The following FBP2 variants were observed in gnomAD, a reference collection of about 807,000 sequenced individuals.
The protein encoded by FBP2 is fructose-bisphosphatase 2.
FBP2 carries 27 observed loss-of-function variants against 31.6 expected under a neutral mutation model. That is an observed-to-expected ratio of 0.85 (90% CI 0.63 to 1.18). FBP2 has a LOEUF of 1.18. Ranked by LOEUF, FBP2 falls within the 50% of genes most tolerant of loss-of-function variation. FBP2 has a pLI of 0.00. For missense variants in FBP2, 421 were observed against 436.1 expected, an observed-to-expected ratio of 0.97 and a Z score of 0.31; for synonymous variants, 168 against 179.8, an observed-to-expected ratio of 0.93 and a Z score of 0.53.
intron 3 of FBP2, among the ~76,000 whole-genome samples, chr9:94,579,540 T>C (rs1021473863): frequency 1.3e-5 from 2 of 152,196 alleles, no homozygotes; most frequent in Non-Finnish European, 2.9e-5. Context: ...TTAAAGTTTG[T>C]GGAGAATTTA....
At chr9:94,560,051 G>A (rs962323904) in intron 6 of FBP2, among the ~76,000 whole-genome samples, 5 of 152,284 alleles carry the variant, frequency 3.3e-5, no homozygotes, top group South Asian at 4.1e-4. Context: ...ACTGAGCCCC[G>A]GAGTTCAAGG....
intron 6 of FBP2, among the ~76,000 whole-genome samples, chr9:94,561,170 A>G (rs1827093357): frequency 6.6e-6 from 1 of 152,096 alleles, no homozygotes; most frequent in South Asian, 2.1e-4. Flanking sequence ...ATTGTAATCA[A>G]TTATCCTGTT....
rs1827141023 is a variant in FBP2 at position 94,563,523 on chromosome 9, C to G, written c.706-62G>C. Reference sequence around the variant, plus strand: ...CTTTCAGGATTAGCCAGCACCTGCTCGTGGTCACAAGTCCAGTTGGTGTGA... The same window carrying G: ...CTTTCAGGATTAGCCAGCACCTGCTGGTGGTCACAAGTCCAGTTGGTGTGA... On this transcript the variant is annotated intron_variant, in intron 5 of 6. Transcript: ENST00000375337. 33 of 1,575,154 alleles carry G rather than the reference C, an allele frequency of 2.1e-5. No individual in the cohort carries two copies. The South Asian group carries it at 3.8e-4, about 18-fold the overall frequency.
Position 94,584,612 on chromosome 9 carries a change from C to G in FBP2, c.391G>C (p.Ala131Pro). ...LDGSSNIDCL[A>P]SIGTIFAIYR... is the part of the protein sequence containing the mutation. ...ATGGCAAAGATGGTTCCGATGGAGG[C>G]CAGGCAGTCAATATTGGAAGATCCA... The change falls in exon 3 of 7, where the codon GCC becomes CCC. Residue 131 changes from alanine (A) to proline (P), a missense_variant. Transcript: ENST00000375337. 6.2e-7 allele frequency: 1 copy of G among 1,613,606 alleles called. No individual in the cohort carries two copies. Among genetic ancestry groups the G allele is most frequent in the Non-Finnish European group, 8.5e-7 (1 of 1,179,578 alleles).
chr9:94,558,915 G>A lies in FBP2; in HGVS notation c.*23C>T. 1 of 1,611,346 alleles carries A rather than the reference G, an allele frequency of 6.2e-7. No individual in the cohort carries two copies. The highest frequency in any genetic ancestry group is 8.5e-7 in the Non-Finnish European group (1 of 1,177,630). On this transcript the variant is annotated 3_prime_UTR_variant, in exon 7 of 7. Coordinates refer to ENST00000375337, the MANE Select transcript of FBP2 (RefSeq NM_003837.4). ...TAGACAAGGTGCAAGACAAACAGAA[G>A]AGGGCATGTGGGGTCAAACTCGCTA...
At chr9:94,567,927 G>C (rs1417693197) in intron 4 of FBP2, 2 of 152,678 alleles carry the variant, frequency 1.3e-5, no homozygotes, top group Non-Finnish European at 2.9e-5. Flanking sequence ...AGGAGATCGA[G>C]ACCATCCTGG....
At chr9:94,587,555 C>T in intron 1 of FBP2, 86 bp from the exon 2 acceptor site, 2 of 1,168,766 alleles carry the variant, frequency 1.7e-6, no homozygotes, top group Non-Finnish European at 2.5e-6. Context: ...GCCAGCAGTG[C>T]AGTCCCCTCT....
At chr9:94,571,801 T>C (rs559595821) in intron 3 of FBP2, among the ~76,000 whole-genome samples, 199 bp from the exon 4 acceptor site, 2 of 152,368 alleles carry the variant, frequency 1.3e-5, no homozygotes, top group East Asian at 3.9e-4. Context: ...AAGGCCATTC[T>C]TGGACTTCTT....
chr9:94,574,670 T>C (rs1827299652), intron 3 of FBP2, among the ~76,000 whole-genome samples: 1 of 152,192 alleles, frequency 6.6e-6, no homozygotes, highest in South Asian at 2.1e-4. Context: ...TTTCTTCTCT[T>C]GTCTTTATGT....
At chr9:94,579,157 G>C (rs1827349203) in intron 3 of FBP2, among the ~76,000 whole-genome samples, 1 of 149,040 alleles carries the variant, frequency 6.7e-6, no homozygotes, top group Admixed American at 6.7e-5. Flanking sequence ...CCAGCATTTT[G>C]GGAGGCCAAG....
chr9:94,562,999 AG>A (rs1564179558), intron 6 of FBP2, among the ~76,000 whole-genome samples: 1 of 152,218 alleles, frequency 6.6e-6, no homozygotes, highest in Non-Finnish European at 1.5e-5. Context: ...GGCTCCCTAT[AG>A]GGACCATCAT....
chr9:94,560,183 A>T (rs1224518953), intron 6 of FBP2, among the ~76,000 whole-genome samples: 2 of 152,170 alleles, frequency 1.3e-5, no homozygotes, highest in Non-Finnish European at 2.9e-5. Context: ...GTCCCAGCCG[A>T]GGGCAGAAAC....
rs2280301 is a variant in FBP2 at position 94,587,309 on chromosome 9, G to T, written c.331C>A (p.Arg111=). The change falls in exon 2 of 7, where the codon CGG becomes AGG. Residue 111 remains arginine (R), a splice_region_variant and synonymous_variant. Transcript: ENST00000375337. ...KDAIITAKEK[R]GKYVVCFDPL... Reference sequence around the variant, plus strand: ...GGCACCGCAGCCCCATGACGCACCCGCTTCTCCTTGGCGGTGATGATGGCG... The same window carrying T: ...GGCACCGCAGCCCCATGACGCACCCTCTTCTCCTTGGCGGTGATGATGGCG... The T allele has an allele frequency of 0.052, 83,897 of 1,609,144 alleles. 4,040 individuals are homozygous for T. The highest frequency in any genetic ancestry group is 0.24 in the African/African-American group (17,771 of 74,628).
intron 3 of FBP2, 149 bp downstream of exon 3, chr9:94,584,428 G>A: frequency 1.6e-6 from 1 of 625,520 alleles, no homozygotes; most frequent in Non-Finnish European, 2.9e-6. Context: ...AGGAGCCCCA[G>A]GCAGAGAAAA....
At chr9:94,569,628 A>G (rs981988608) in intron 4 of FBP2, 4 of 152,196 alleles carry the variant, frequency 2.6e-5, no homozygotes, top group Non-Finnish European at 5.9e-5. Context: ...TTGTGTGGTC[A>G]CCAACAACGG....
chr9:94,590,146 G>A (rs891381451), intron 1 of FBP2, among the ~76,000 whole-genome samples: 2 of 152,124 alleles, frequency 1.3e-5, no homozygotes, highest in Admixed American at 6.5e-5. Context: ...CTCACCAGGA[G>A]ATGTGAGTTC....
chr9:94,563,372 G>A lies in FBP2; in HGVS notation c.795C>T (p.Tyr265=). The A allele has an allele frequency of 6.2e-7, 1 of 1,614,124 alleles. No homozygotes were observed. Among genetic ancestry groups the A allele is most frequent in the Non-Finnish European group, 8.5e-7 (1 of 1,180,004 alleles). The part of the protein sequence containing the change: ...RTLVYGGIFL[Y]PANQKSPKGK... ...CCTTAGGGCTCTTCTGGTTGGCTGG[G>A]TACAGGAAGATTCCTCCATAGACCA... Residue 265 remains tyrosine (Y), a synonymous_variant, in exon 6 of 7, where the codon TAC becomes TAT. Transcript: ENST00000375337.
chr9:94,587,542 A>C, intron 1 of FBP2, 73 bp from the exon 2 acceptor site: 2 of 1,398,236 alleles, frequency 1.4e-6, no homozygotes, highest in South Asian at 1.2e-5. Context: ...GGGACCCTAA[A>C]ACGCCAGCAG....
chr9:94,592,016 A>C (rs910885140), intron 1 of FBP2, among the ~76,000 whole-genome samples: 1 of 152,122 alleles, frequency 6.6e-6, no homozygotes, highest in African/African-American at 2.4e-5. Flanking sequence ...GGGGGAGCCC[A>C]ATTTATGTGG....
Sources: allele counts gnomAD v4.1 joint callset (sites outside exome capture counted in the v4.1 genomes callset), GRCh38; gene constraint gnomAD v4.1.1; transcripts MANE v1.5; gene names NCBI Gene and HGNC (gene_info 2026-07-23, HGNC 2026-07-21).